Variants in TRAP1 observed in about 807,000 individuals in gnomAD.
TRAP1 encodes heat shock protein 75 kDa, mitochondrial.
A neutral mutation model predicts 89.1 loss-of-function variants in TRAP1; 102 were observed. The ratio of observed to expected loss-of-function variants is 1.15; its 90% CI spans 0.98 to 1.35. The LOEUF (loss-of-function observed/expected upper bound fraction) is 1.35. Ranked by LOEUF, TRAP1 falls within the 40% of genes most tolerant of loss-of-function variation. TRAP1 has a pLI of 0.00. For synonymous variants in TRAP1, 508 were observed against 388.0 expected (o/e 1.31, Z -3.64); for missense variants, 1,256 against 945.3 (o/e 1.33, Z -4.31).
At chr16:3,707,421 G>A (rs1007270991) in intron 1 of TRAP1, among the ~76,000 whole-genome samples, 4 of 150,840 alleles carry the variant, frequency 2.7e-5, no homozygotes, top group South Asian at 2.1e-4. Flanking sequence ...TCCTGAACTC[G>A]TGATCCACCT....
Position 3,676,233 on chromosome 16 carries a change from T to C in TRAP1, c.705-88A>G, listed in dbSNP as rs1167476274. 7 of 1,148,094 alleles carry C rather than the reference T, an allele frequency of 6.1e-6. 1 individual carries two copies. The highest frequency in any genetic ancestry group is 2.9e-5 in the South Asian group (2 of 69,198). 71.1% of individuals were successfully genotyped at this position (1,148,094 alleles called of 1,614,324 possible). A position where few individuals can be genotyped will look rare whatever the true frequency, so the allele number is the denominator to read the frequency against. On this transcript the variant is annotated intron_variant, in intron 6 of 17. Coordinates refer to ENST00000246957, the MANE Select transcript of TRAP1 (RefSeq NM_016292.3). ...ACTCCAGCGGTTCCCGAGGGTTTCA[T>C]AGGCAGAGCCCAAACAACACACAAC...
At chr16:3,716,597 C>A (rs1596765248) in intron 1 of TRAP1, among the ~76,000 whole-genome samples, 1 of 151,508 alleles carries the variant, frequency 6.6e-6, no homozygotes, top group African/African-American at 2.4e-5. Flanking sequence ...TGAAGTACAA[C>A]GTAGCACAAT....
At chr16:3,699,405 G>C (rs1023335083) in intron 1 of TRAP1, among the ~76,000 whole-genome samples, 1 of 152,282 alleles carries the variant, frequency 6.6e-6, no homozygotes, top group African/African-American at 2.4e-5. Flanking sequence ...GGGAGGCCGA[G>C]GCGGGTGGAT....
In TRAP1 at chr16:3,663,411, AGGGGATGCCGACCT is replaced by A. The variant is rs780597724; in HGVS notation, c.1707_1708+12del. 6.2e-7 allele frequency: 1 copy of A among 1,614,012 alleles called. No homozygotes were observed. Among genetic ancestry groups the A allele is most frequent in the East Asian group, 2.2e-5 (1 of 44,878 alleles). Reference sequence around the variant, plus strand: ...GAAACCAGCCCCACGCCTAGAGAGCAGGGGATGCCGACCTGGGGACCTGTCCTCAAACTTCTCCT... The same window carrying A: ...GAAACCAGCCCCACGCCTAGAGAGCAGGGGACCTGTCCTCAAACTTCTCCT... On this transcript the variant is annotated splice_donor_variant and splice_donor_5th_base_variant and coding_sequence_variant and intron_variant, in exon 14 of 18. Transcript: ENST00000246957. LOFTEE classifies it high-confidence loss of function.
intron 16 of TRAP1, chr16:3,661,523 C>G (rs186688464): frequency 6.5e-6 from 1 of 153,556 alleles, no homozygotes; most frequent in East Asian, 1.9e-4. Context: ...GGAGGCCCAG[C>G]AGAGCAGAAC....
chr16:3,660,801 G>A (rs928570264), intron 16 of TRAP1: 1 of 152,198 alleles, frequency 6.6e-6, no homozygotes, highest in Non-Finnish European at 1.5e-5. Flanking sequence ...GCCCACACTT[G>A]TAATCCCAGC....
intron 1 of TRAP1, among the ~76,000 whole-genome samples, chr16:3,702,996 G>A (rs1485979233): frequency 2.1e-5 from 3 of 140,816 alleles, no homozygotes; most frequent in Non-Finnish European, 4.5e-5. Context: ...AAGCCAAGAT[G>A]CTGCCATTGC....
At chr16:3,658,674 A>AAAACAAAC (rs35893407) in intron 17 of TRAP1, 119 bp downstream of exon 17, 276 of 983,286 alleles carry the variant, frequency 2.8e-4, no homozygotes, top group African/African-American at 4.8e-4. Flanking sequence ...TCCATCTCAA[A>AAAACAAAC]AAACAAACAA....
Position 3,681,949 on chromosome 16 carries a change from T to G in TRAP1, c.472-2159A>C, listed in dbSNP as rs571470592. ...GTTGGAGAATTTAAAATACCTAATT[T>G]TAAGACTTCCTATAAAGCTACAATA... On this transcript the variant is annotated intron_variant, in intron 4 of 17. Transcript: ENST00000246957. Among the ~76,000 whole-genome samples, 9 of 152,278 alleles carry G rather than the reference T, an allele frequency of 5.9e-5. No homozygotes were observed. The South Asian group carries it at 1.7e-3, about 28-fold the overall frequency.
intron 11 of TRAP1, among the ~76,000 whole-genome samples, chr16:3,669,695 G>A (rs1177197916): frequency 1.3e-5 from 2 of 151,674 alleles, no homozygotes; most frequent in Admixed American, 1.3e-4. Context: ...TTAGCTGGGC[G>A]TGGTGGTGGG....
intron 1 of TRAP1, chr16:3,704,362 T>C (rs903207161): frequency 3.3e-5 from 5 of 152,124 alleles, no homozygotes; most frequent in African/African-American, 9.7e-5. Flanking sequence ...AAACGTTGCA[T>C]TATAAAAAAC....
At chr16:3,696,252 A>G (rs1252190664) in intron 1 of TRAP1, among the ~76,000 whole-genome samples, 2 of 152,194 alleles carry the variant, frequency 1.3e-5, no homozygotes, top group Non-Finnish European at 2.9e-5. Context: ...GAGCACACAG[A>G]GGAGCCTAGG....
rs1032728348 is a variant in TRAP1, at chr16:3,658,215, T to C, written c.2029A>G (p.Met677Val). ...TCGTCAACAAGTCCAGCAGCAATCA[T>C]GGCGTTCTCGTATATCTGAAAGGCA... ...LLVDQIYENA[M>V]IAAGLVDDPR... Residue 677 changes from methionine (M) to valine (V), a missense_variant, in exon 18 of 18, where the codon ATG becomes GTG. Coordinates refer to ENST00000246957, the MANE Select transcript of TRAP1 (RefSeq NM_016292.3). 1.2e-6 allele frequency: 2 copies of C among 1,613,674 alleles called. No homozygotes were observed. Among genetic ancestry groups the C allele is most frequent in the African/African-American group, 1.3e-5 (1 of 74,898 alleles).
chr16:3,674,592 A>G, intron 8 of TRAP1, 98 bp from the exon 9 acceptor site: 3 of 1,452,690 alleles, frequency 2.1e-6, no homozygotes, highest in Non-Finnish European at 2.8e-6. Flanking sequence ...GGCCCTGGAC[A>G]GGCTCCTGGG....
At chr16:3,698,396 C>T (rs2051319205) in intron 1 of TRAP1, among the ~76,000 whole-genome samples, 1 of 151,426 alleles carries the variant, frequency 6.6e-6, no homozygotes, top group South Asian at 2.1e-4. Flanking sequence ...CTGCAAGCTC[C>T]GCCTCCCGGA....
intron 1 of TRAP1, among the ~76,000 whole-genome samples, chr16:3,700,041 G>A (rs979611998): frequency 2.0e-5 from 3 of 151,764 alleles, no homozygotes; most frequent in Admixed American, 6.6e-5. Context: ...TAATTTTTTG[G>A]TTAATGTATA....
At position 3,685,174 on chromosome 16, in the gene TRAP1, C is replaced by A. The variant is rs2051122083; in HGVS notation, c.471+822G>T. On this transcript the variant is annotated intron_variant, in intron 4 of 17. Transcript: ENST00000246957. ...AGGGCCCATTCCACAGCCAGGCCAGCTCAGCAAAGGCAGGGAGAGAAGAAA... is the reference window on the plus strand; with the variant it reads ...AGGGCCCATTCCACAGCCAGGCCAGATCAGCAAAGGCAGGGAGAGAAGAAA... Among the ~76,000 whole-genome samples the A allele has an allele frequency of 2.0e-5, 3 of 152,212 alleles. No individual in the cohort carries two copies. The South Asian group carries it at 6.2e-4, about 32-fold the overall frequency.
At chr16:3,706,815 A>T (rs2051453781) in intron 1 of TRAP1, among the ~76,000 whole-genome samples, 1 of 152,012 alleles carries the variant, frequency 6.6e-6, no homozygotes, top group African/African-American at 2.4e-5. Context: ...GGTTATTATG[A>T]ATAATGCTGC....
rs866904369 is a variant in TRAP1 at position 3,701,719 on chromosome 16, C to T, written c.89-10734G>A. 5.3e-5 allele frequency among the ~76,000 whole-genome samples: 8 copies of T among 152,148 alleles called. No individual in the cohort carries two copies. In the Middle Eastern group the frequency reaches 0.017, roughly 326 times the overall value. ...GAGTAACAGAACACAGAGAAGGGTG[C>T]GTCCCTGAGGGAATATGTACATCTG... is the stretch of plus-strand genomic sequence containing the variant. On this transcript the variant is annotated intron_variant, in intron 1 of 17. Coordinates refer to ENST00000246957, the MANE Select transcript of TRAP1 (RefSeq NM_016292.3).
Sources: allele counts gnomAD v4.1 joint callset (sites outside exome capture counted in the v4.1 genomes callset), GRCh38; gene constraint gnomAD v4.1.1; transcripts MANE v1.5; gene names NCBI Gene and HGNC (gene_info 2026-07-23, HGNC 2026-07-21).